GABRG3: variants seen among roughly 807,000 people sequenced by gnomAD.
GABRG3 encodes the protein gamma-aminobutyric acid receptor subunit gamma-3.
In GABRG3, 25 loss-of-function variants were observed where a neutral mutation model predicts 48.8. That is an observed-to-expected ratio of 0.51 (90% CI 0.37 to 0.72). The LOEUF (loss-of-function observed/expected upper bound fraction) is 0.72. Ranked by LOEUF, GABRG3 falls within the 30% of genes least tolerant of loss-of-function variation. The pLI is 0.00. For synonymous variants in GABRG3, 227 were observed against 217.6 expected (o/e 1.04, Z -0.38); for missense variants, 394 against 577.9 (o/e 0.68, Z 3.26).
At chr15:27,303,849 TAACA>T (rs766029785) in intron 3 of GABRG3, among the ~76,000 whole-genome samples, 2 of 151,368 alleles carry the variant, frequency 1.3e-5, no homozygotes, top group Middle Eastern at 3.2e-3. Flanking sequence ...CAAACTATAT[TAACA>T]AAGTGATTCC....
intron 6 of GABRG3, chr15:27,481,237 T>C (rs2150845217): frequency 1.0e-6 from 1 of 976,730 alleles, no homozygotes; most frequent in Non-Finnish European, 1.2e-6. Flanking sequence ...TCTTTTTCAA[T>C]GATTGAAAGT....
chr15:27,104,373 C>T (rs952834428), intron 3 of GABRG3, among the ~76,000 whole-genome samples: 6 of 152,160 alleles, frequency 3.9e-5, no homozygotes, highest in Admixed American at 6.5e-5. Flanking sequence ...CAAAGTGGCG[C>T]GTGAGTTTGA....
chr15:27,240,636 A>AAAG (rs1368891458), intron 3 of GABRG3, among the ~76,000 whole-genome samples: 2 of 152,222 alleles, frequency 1.3e-5, no homozygotes, highest in African/African-American at 4.8e-5. Context: ...TTTTATCCAC[A>AAAG]AAGAACAACA....
intron 2 of GABRG3, among the ~76,000 whole-genome samples, chr15:26,988,945 A>G (rs1157019250): frequency 6.6e-6 from 1 of 152,162 alleles, no homozygotes; most frequent in African/African-American, 2.4e-5. Context: ...AAATTCATCC[A>G]ATTATAGTGT....
chr15:27,189,749 G>C (rs955941019), intron 3 of GABRG3, among the ~76,000 whole-genome samples: 2 of 152,134 alleles, frequency 1.3e-5, no homozygotes, highest in Admixed American at 6.6e-5. Flanking sequence ...GTGGCCAGAA[G>C]TTCCAACACT....
intron 3 of GABRG3, among the ~76,000 whole-genome samples, chr15:27,227,361 G>C (rs1374212842): frequency 1.3e-5 from 2 of 151,942 alleles, no homozygotes; most frequent in African/African-American, 4.8e-5. Context: ...CCTGGGCGTG[G>C]TGGTGTGCAC....
At chr15:27,259,514 A>C (rs1232766157) in intron 3 of GABRG3, among the ~76,000 whole-genome samples, 2 of 152,154 alleles carry the variant, frequency 1.3e-5, no homozygotes, top group Admixed American at 1.3e-4. Flanking sequence ...TCTACTTGAG[A>C]TGCAAAGAAA....
chr15:27,309,773 C>T (rs1014162953), intron 3 of GABRG3, among the ~76,000 whole-genome samples: 5 of 151,948 alleles, frequency 3.3e-5, no homozygotes, highest in African/African-American at 1.2e-4. Flanking sequence ...CTTATAAATG[C>T]TAATCTGTTC....
intron 5 of GABRG3, among the ~76,000 whole-genome samples, chr15:27,435,043 C>G (rs1313128642): frequency 6.6e-6 from 1 of 152,080 alleles, no homozygotes; most frequent in East Asian, 1.9e-4. Context: ...GCTCACTCCC[C>G]TCTCTTTCTG....
intron 3 of GABRG3, among the ~76,000 whole-genome samples, chr15:27,097,877 T>C (rs1478470154): frequency 1.3e-5 from 2 of 152,086 alleles, no homozygotes; most frequent in Admixed American, 6.6e-5. Flanking sequence ...TAAATGACAT[T>C]ATGATAATAT....
rs992066148 is a variant in GABRG3 at position 27,179,549 on chromosome 15, C to G, written c.271-147260C>G. Among the ~76,000 whole-genome samples the G allele has an allele frequency of 6.6e-6, 1 of 152,170 alleles. No individual in the cohort carries two copies. The highest frequency in any genetic ancestry group is 2.4e-5 in the African/African-American group (1 of 41,440). On this transcript the variant is annotated intron_variant, in intron 3 of 9. Coordinates refer to ENST00000615808, the MANE Select transcript of GABRG3 (RefSeq NM_033223.5). This position sits in a 1 kb window ranked among gnomAD's most constrained non-coding sequence, Gnocchi z 4.0. ...TTTCCCCATTGGTAGAGTATGAAAA[C>G]TTTAAGCAAGAACTACCCAAGTGAG...
chr15:27,409,955 TC>T (rs1464114931), intron 5 of GABRG3, among the ~76,000 whole-genome samples: 1 of 152,218 alleles, frequency 6.6e-6, no homozygotes, highest in Non-Finnish European at 1.5e-5. Context: ...GGCTTAAACT[TC>T]CAGTACTGTG....
At chr15:27,415,313 T>A (rs186960246) in intron 5 of GABRG3, among the ~76,000 whole-genome samples, 9 of 152,252 alleles carry the variant, frequency 5.9e-5, no homozygotes, top group Non-Finnish European at 1.3e-4. Context: ...GCTGTATCCA[T>A]CTCCTAGTGA....
At chr15:27,458,016 G>A (rs891850095) in intron 5 of GABRG3, among the ~76,000 whole-genome samples, 9 of 152,102 alleles carry the variant, frequency 5.9e-5, no homozygotes, top group Non-Finnish European at 8.8e-5. Context: ...GACGGTGCAG[G>A]AACTATGCTC....
chr15:27,191,136 T>G (rs1019362672), intron 3 of GABRG3, among the ~76,000 whole-genome samples: 9 of 152,200 alleles, frequency 5.9e-5, no homozygotes, highest in Non-Finnish European at 1.3e-4. Flanking sequence ...TGAGGAGAGC[T>G]TTACTTCCAA....
Position 27,019,055 on chromosome 15 carries a change from CTTTTTTTTTTTTT to C in GABRG3, c.203-7680_203-7668del, listed in dbSNP as rs9331868. 9.8e-4 allele frequency among the ~76,000 whole-genome samples: 41 copies of C among 42,036 alleles called. No homozygotes were observed. The East Asian group carries it at 9.9e-3, about 10-fold the overall frequency. 27.6% of individuals were successfully genotyped at this position (42,036 alleles called of 152,430 possible). ...CATTGAAGTATTTGTTCCCTAGAGTCTTTTTTTTTTTTTTTTTTTTTTTTTTTTTTTGAGATGG... is the reference window on the plus strand; with the variant it reads ...CATTGAAGTATTTGTTCCCTAGAGTCTTTTTTTTTTTTTTTTTTGAGATGG... On this transcript the variant is annotated intron_variant, in intron 2 of 9. Coordinates refer to ENST00000615808, the MANE Select transcript of GABRG3 (RefSeq NM_033223.5).
chr15:27,459,436 G>A (rs1889384646), intron 5 of GABRG3, among the ~76,000 whole-genome samples: 1 of 152,200 alleles, frequency 6.6e-6, no homozygotes, highest in African/African-American at 2.4e-5. Flanking sequence ...AAATGAAACT[G>A]GGAAACAGCA....
At chr15:27,279,587 A>G (rs1405354467) in intron 3 of GABRG3, among the ~76,000 whole-genome samples, 3 of 152,012 alleles carry the variant, frequency 2.0e-5, no homozygotes, top group East Asian at 1.9e-4. Context: ...TCATGGGTCT[A>G]TTTCTGGATT....
intron 1 of GABRG3, among the ~76,000 whole-genome samples, chr15:26,972,365 A>G (rs1170008463): frequency 1.3e-5 from 2 of 152,228 alleles, no homozygotes; most frequent in East Asian, 3.9e-4. Flanking sequence ...GCATGAGGAT[A>G]CAAGGACAGT....
Sources: allele counts gnomAD v4.1 joint callset (sites outside exome capture counted in the v4.1 genomes callset), GRCh38; gene constraint gnomAD v4.1.1; non-coding constraint Gnocchi (gnomAD v3.1); transcripts MANE v1.5; gene names NCBI Gene and HGNC (gene_info 2026-07-23, HGNC 2026-07-21).